Variants in FHIT observed in about 807,000 individuals in gnomAD.
FHIT encodes fragile histidine triad diadenosine triphosphatase.
Under a neutral mutation model 17.9 loss-of-function variants are expected in FHIT, and 19 were observed. The ratio of observed to expected loss-of-function variants is 1.06; its 90% CI spans 0.74 to 1.56. FHIT has a LOEUF of 1.56. FHIT is among the 40% of genes most tolerant of loss of function. The pLI is 0.00. For missense variants in FHIT, 248 were observed against 189.2 expected (o/e 1.31, Z -1.82); for synonymous variants, 81 against 69.7 (o/e 1.16, Z -0.81).
At chr3:59,978,921 A>G (rs1559515864) in intron 7 of FHIT, among the ~76,000 whole-genome samples, 1 of 151,950 alleles carries the variant, frequency 6.6e-6, no homozygotes. Context: ...CAATGTGTCA[A>G]GTTTCCAAAT....
intron 5 of FHIT, among the ~76,000 whole-genome samples, chr3:60,347,689 G>GGTT (rs1553750581): frequency 4.7e-5 from 4 of 85,304 alleles, no homozygotes; most frequent in Non-Finnish European, 9.5e-5. Flanking sequence ...GGGGGGGGGG[G>GGTT]TTTGTTTTTT....
At chr3:61,022,514 T>G (rs1201332485) in intron 3 of FHIT, among the ~76,000 whole-genome samples, 1 of 152,206 alleles carries the variant, frequency 6.6e-6, no homozygotes. Context: ...AGCATCATCC[T>G]GATACCAAAA....
intron 3 of FHIT, among the ~76,000 whole-genome samples, chr3:60,836,059 T>C (rs1702531823): frequency 6.6e-6 from 1 of 152,220 alleles, no homozygotes; most frequent in Admixed American, 6.5e-5. Context: ...TTTCTTGCCT[T>C]ATTGCATTGA....
chr3:59,772,156 TG>T (rs1702102766), intron 8 of FHIT, among the ~76,000 whole-genome samples: 1 of 152,226 alleles, frequency 6.6e-6, no homozygotes, highest in Non-Finnish European at 1.5e-5. Flanking sequence ...TTCGTTGATC[TG>T]CATTCACTAA....
intron 7 of FHIT, among the ~76,000 whole-genome samples, chr3:59,944,934 G>A (rs1170107697): frequency 6.6e-6 from 1 of 152,138 alleles, no homozygotes; most frequent in Non-Finnish European, 1.5e-5. Flanking sequence ...CCTTGGATGG[G>A]CTTTTAGGTT....
intron 4 of FHIT, among the ~76,000 whole-genome samples, chr3:60,781,267 A>G (rs1700379877): frequency 6.6e-6 from 1 of 152,202 alleles, no homozygotes; most frequent in African/African-American, 2.4e-5. Context: ...TCATTAAACT[A>G]TTCTTTTACC....
Position 61,116,618 on chromosome 3 carries a change from GTAGTTA to G in FHIT, c.-163-74525_-163-74520del. 2.0e-5 allele frequency among the ~76,000 whole-genome samples: 3 copies of G among 152,138 alleles called. No individual in the cohort carries two copies. The South Asian group carries it at 6.2e-4, about 32-fold the overall frequency. ...TTAAATTCATTCTCTCACACTAGAG[GTAGTTA>G]CTATGGTACATAGTATGAGAGAGGT... is the stretch of plus-strand genomic sequence containing the variant. On this transcript the variant is annotated intron_variant, in intron 2 of 9. Transcript: ENST00000492590.
At chr3:60,515,233 G>A (rs1158746986) in intron 5 of FHIT, among the ~76,000 whole-genome samples, 1 of 152,198 alleles carries the variant, frequency 6.6e-6, no homozygotes, top group Non-Finnish European at 1.5e-5. Context: ...GCCTGATGTG[G>A]ACTGCAGCTG....
chr3:60,169,864 A>G (rs1701341807), intron 5 of FHIT, among the ~76,000 whole-genome samples: 1 of 152,190 alleles, frequency 6.6e-6, no homozygotes. Context: ...AGGTAGAATA[A>G]AAATGGAAGC....
chr3:60,811,003 G>A (rs1249197902), intron 4 of FHIT, among the ~76,000 whole-genome samples: 4 of 152,140 alleles, frequency 2.6e-5, no homozygotes, highest in Non-Finnish European at 5.9e-5. Flanking sequence ...CTTCTCTGTG[G>A]CCTTGGTCAA....
chr3:61,156,093 G>A (rs183095835), intron 2 of FHIT, among the ~76,000 whole-genome samples: 1 of 152,266 alleles, frequency 6.6e-6, no homozygotes, highest in African/African-American at 2.4e-5. Context: ...GAAGGAATTA[G>A]GCATGTCCTA....
intron 8 of FHIT, among the ~76,000 whole-genome samples, chr3:59,823,691 C>T (rs549504786): frequency 1.1e-4 from 17 of 152,252 alleles, no homozygotes; most frequent in African/African-American, 3.6e-4. Context: ...ATATAAGGGG[C>T]ATACCTCAAT....
chr3:60,832,610 G>C (rs965457781), intron 3 of FHIT, among the ~76,000 whole-genome samples: 1 of 151,526 alleles, frequency 6.6e-6, no homozygotes, highest in Non-Finnish European at 1.5e-5. Context: ...TCAGACATAC[G>C]TGGTCACAAC....
intron 7 of FHIT, among the ~76,000 whole-genome samples, chr3:59,966,219 G>A (rs1707919929): frequency 6.6e-6 from 1 of 152,142 alleles, no homozygotes; most frequent in Admixed American, 6.5e-5. Flanking sequence ...ACTAGAAGCT[G>A]GCACCCAAGA....
chr3:60,314,317 AG>A (rs1296437820), intron 5 of FHIT, among the ~76,000 whole-genome samples: 1 of 152,178 alleles, frequency 6.6e-6, no homozygotes, highest in Non-Finnish European at 1.5e-5. Context: ...AAAAGGAGTA[AG>A]GGATTTCAGT....
At chr3:60,395,047 G>A (rs1269084544) in intron 5 of FHIT, among the ~76,000 whole-genome samples, 1 of 152,318 alleles carries the variant, frequency 6.6e-6, no homozygotes, top group Admixed American at 6.5e-5. Context: ...AAAAGAATGT[G>A]GCTTTTGGAG....
chr3:60,310,231 C>T (rs1559808472), intron 5 of FHIT, among the ~76,000 whole-genome samples: 1 of 152,146 alleles, frequency 6.6e-6, no homozygotes. Context: ...TTTTGACCCA[C>T]CAGTATGTCC....
At chr3:60,233,454 G>A (rs1035088975) in intron 5 of FHIT, among the ~76,000 whole-genome samples, 1 of 151,850 alleles carries the variant, frequency 6.6e-6, no homozygotes, top group African/African-American at 2.4e-5. Context: ...TTCTCCTTCA[G>A]GTGTCCACTC....
chr3:60,238,535 A>G (rs1450045362), intron 5 of FHIT, among the ~76,000 whole-genome samples: 1 of 151,918 alleles, frequency 6.6e-6, no homozygotes, highest in Non-Finnish European at 1.5e-5. Context: ...ATAAAAGATT[A>G]AAACATTTCA....
Sources: allele counts gnomAD v4.1 joint callset (sites outside exome capture counted in the v4.1 genomes callset), GRCh38; gene constraint gnomAD v4.1.1; transcripts MANE v1.5; gene names NCBI Gene and HGNC (gene_info 2026-07-23, HGNC 2026-07-21).